The following SUMF1 variants were observed in gnomAD, a reference collection of about 807,000 sequenced individuals.
SUMF1 encodes the protein sulfatase modifying factor 1.
A neutral mutation model predicts 47.6 loss-of-function variants in SUMF1; 48 were observed. The observed-to-expected ratio is 1.01, with a 90% CI of 0.80 to 1.28. The LOEUF (loss-of-function observed/expected upper bound fraction) is 1.28. Among genes scored for constraint, SUMF1 ranks in the 50% most tolerant of loss-of-function variants. The pLI is 0.00. For missense variants in SUMF1, 571 were observed against 485.4 expected, an observed-to-expected ratio of 1.18 and a Z score of -1.66; for synonymous variants, 230 against 192.1, an observed-to-expected ratio of 1.20 and a Z score of -1.63.
At chr3:4,236,630 A>G (rs1696416039) in intron 8 of SUMF1, among the ~76,000 whole-genome samples, 1 of 152,040 alleles carries the variant, frequency 6.6e-6, no homozygotes. Flanking sequence ...TCTCTAGAGC[A>G]GTTTTAGGTT....
At chr3:4,465,692 G>A (rs1024785924) in intron 1 of SUMF1, among the ~76,000 whole-genome samples, 12 of 152,000 alleles carry the variant, frequency 7.9e-5, no homozygotes, top group Non-Finnish European at 7.4e-5. Context: ...AAAACAATGA[G>A]AAGCCCAGGT....
rs147694061 is a variant in SUMF1, at chr3:4,245,531, A to G, written c.1014+130799T>C. Among the ~76,000 whole-genome samples the G allele has an allele frequency of 3.5e-3, 537 of 152,056 alleles. 2 individuals carry two copies. Among genetic ancestry groups the G allele is most frequent in the Non-Finnish European group, 6.3e-3 (429 of 67,960 alleles). On this transcript the variant is annotated intron_variant and NMD_transcript_variant, in intron 8 of 12. Coordinates refer to the SUMF1 transcript ENST00000448413. ...GTCTGTTGGAGTTTGCTGGAGGTCC[A>G]CTCCCAATCCTGTTTGCCTGACTAT...
intron 7 of SUMF1, among the ~76,000 whole-genome samples, chr3:4,380,520 A>G (rs1217930631): frequency 1.3e-5 from 2 of 152,088 alleles, no homozygotes; most frequent in Non-Finnish European, 2.9e-5. Context: ...CCAAACCCCC[A>G]CGGCCCACAA....
chr3:4,344,980 G>C (rs1699346255), intron 8 of SUMF1, among the ~76,000 whole-genome samples: 1 of 151,878 alleles, frequency 6.6e-6, no homozygotes. Flanking sequence ...GACAAGAATA[G>C]AGAAAAAAAG....
chr3:4,423,279 TACACACACACAC>T (rs56729932), intron 3 of SUMF1, among the ~76,000 whole-genome samples: 8 of 147,126 alleles, frequency 5.4e-5, no homozygotes, highest in Non-Finnish European at 7.5e-5. Flanking sequence ...GAAACTGTGA[TACACACACACAC>T]ACACACACAC....
chr3:4,239,440 C>G (rs781240383), intron 8 of SUMF1, among the ~76,000 whole-genome samples: 8 of 152,042 alleles, frequency 5.3e-5, no homozygotes, highest in South Asian at 2.1e-4. Context: ...TGTGTTCTCT[C>G]TTATTTTCTT....
chr3:4,123,666 C>G (rs1481290299), intron 8 of SUMF1, among the ~76,000 whole-genome samples: 1 of 152,090 alleles, frequency 6.6e-6, no homozygotes, highest in Admixed American at 6.5e-5. Flanking sequence ...AGACCCCTGA[C>G]CTAGGAATTA....
rs559848584 is a variant in SUMF1 at position 4,429,531 on chromosome 3, C to T, written c.520-9385G>A. Among the ~76,000 whole-genome samples the T allele has an allele frequency of 2.6e-5, 4 of 152,308 alleles. No individual in the cohort carries two copies. The South Asian group carries it at 6.2e-4, about 24-fold the overall frequency. On this transcript the variant is annotated intron_variant, in intron 3 of 8. Transcript: ENST00000272902. ...TAAGAACAGGAAATTCTCCCACACA[C>T]GTTGTCTTGGAGGTAAACAACAATA... is the stretch of plus-strand genomic sequence containing the variant.
chr3:4,273,515 A>G (rs1235390660), intron 8 of SUMF1, among the ~76,000 whole-genome samples: 1 of 152,108 alleles, frequency 6.6e-6, no homozygotes, highest in South Asian at 2.1e-4. Flanking sequence ...GAAGGCGGAA[A>G]CAGAGGATGA....
chr3:4,168,235 T>G (rs1694755358), intron 8 of SUMF1, among the ~76,000 whole-genome samples: 1 of 152,162 alleles, frequency 6.6e-6, no homozygotes, highest in South Asian at 2.1e-4. Flanking sequence ...ACTTTGGAAC[T>G]CGTGGACAAA....
intron 6 of SUMF1, chr3:4,415,109 C>T (rs1295896466): frequency 6.6e-6 from 1 of 151,920 alleles, no homozygotes; most frequent in Non-Finnish European, 1.5e-5. Context: ...CAGCTATAAT[C>T]CTAGCTACTA....
intron 7 of SUMF1, among the ~76,000 whole-genome samples, chr3:4,400,614 A>C (rs1274709392): frequency 1.3e-5 from 2 of 152,204 alleles, no homozygotes; most frequent in Non-Finnish European, 2.9e-5. Context: ...GCGCTTAGAA[A>C]CCGTAATCTG....
At chr3:4,143,875 G>A (rs902094659) in intron 8 of SUMF1, among the ~76,000 whole-genome samples, 1 of 151,934 alleles carries the variant, frequency 6.6e-6, no homozygotes, top group African/African-American at 2.4e-5. Context: ...CAGTTCTGCT[G>A]AATCTTAATA....
chr3:4,314,847 A>T (rs1371852286), intron 8 of SUMF1, among the ~76,000 whole-genome samples: 2 of 152,254 alleles, frequency 1.3e-5, no homozygotes, highest in Non-Finnish European at 2.9e-5. Context: ...GATATTATTA[A>T]GTAATTTAAT....
chr3:4,265,837 T>C (rs947743096), intron 8 of SUMF1, among the ~76,000 whole-genome samples: 1 of 152,220 alleles, frequency 6.6e-6, no homozygotes, highest in African/African-American at 2.4e-5. Flanking sequence ...TGCCTAGGTT[T>C]TCTCCTAGGG....
chr3:4,113,119 G>T (rs1013346020), intron 8 of SUMF1, among the ~76,000 whole-genome samples: 5 of 152,032 alleles, frequency 3.3e-5, no homozygotes, highest in African/African-American at 1.2e-4. Context: ...ATATTTTGTT[G>T]CATGCATAGA....
At chr3:4,136,581 A>T (rs1693937826) in intron 8 of SUMF1, among the ~76,000 whole-genome samples, 1 of 152,010 alleles carries the variant, frequency 6.6e-6, no homozygotes, top group Admixed American at 6.6e-5. Flanking sequence ...CATGTCTAAA[A>T]CATCAAAAGC....
intron 8 of SUMF1, among the ~76,000 whole-genome samples, chr3:4,344,568 G>A (rs905943905): frequency 5.3e-5 from 8 of 152,080 alleles, no homozygotes; most frequent in African/African-American, 1.9e-4. Flanking sequence ...ACAAACTCAC[G>A]AAGATGAGAA....
intron 8 of SUMF1, among the ~76,000 whole-genome samples, chr3:4,196,006 G>GA (rs1340953970): frequency 2.0e-5 from 3 of 152,064 alleles, no homozygotes; most frequent in African/African-American, 7.2e-5. Context: ...TAATAATTTA[G>GA]ATCATATCAA....
Sources: gnomAD v4.1 joint callset for allele counts (sites outside exome capture counted in the v4.1 genomes callset) on GRCh38, gnomAD v4.1.1 for gene constraint, MANE v1.5 for transcripts, NCBI Gene and HGNC (gene_info 2026-07-23, HGNC 2026-07-21) for gene names.